The following KCNMB2 variants were observed in gnomAD, a reference collection of about 807,000 sequenced individuals.
The protein encoded by KCNMB2 is potassium calcium-activated channel subfamily M regulatory beta subunit 2.
In KCNMB2, 9 loss-of-function variants were observed where a neutral mutation model predicts 24.5. That is an observed-to-expected ratio of 0.37 (90% confidence interval 0.22 to 0.64). KCNMB2 has a LOEUF of 0.64. KCNMB2 is among the 30% of genes least tolerant of loss of function. The probability of loss-of-function intolerance (pLI) is 0.63; values close to 1 mark genes in which losing one functional copy is unlikely to be tolerated. For missense variants in KCNMB2, 226 were observed against 284.3 expected (o/e 0.79, Z 1.47); for synonymous variants, 109 against 104.4 (o/e 1.04, Z -0.27).
chr3:178,772,511 T>C (rs1021439684), intron 1 of KCNMB2, among the ~76,000 whole-genome samples: 1 of 152,204 alleles, frequency 6.6e-6, no homozygotes, highest in African/African-American at 2.4e-5. Flanking sequence ...TCTGCCACCA[T>C]GTGAGACGTG....
At chr3:178,566,995 T>C (rs1430385515) in intron 1 of KCNMB2, among the ~76,000 whole-genome samples, 4 of 152,228 alleles carry the variant, frequency 2.6e-5, no homozygotes, top group Non-Finnish European at 4.4e-5. Flanking sequence ...TGATGAATAA[T>C]TACACAGATT....
In KCNMB2 at chr3:178,747,315, G is replaced by C. The variant is rs114520074; in HGVS notation, c.-67-60028G>C. Among the ~76,000 whole-genome samples the C allele has an allele frequency of 6.8e-3, 1,031 of 152,202 alleles. 17 individuals are homozygous for C. The highest frequency in any genetic ancestry group is 0.023 in the African/African-American group (975 of 41,510). On this transcript the variant is annotated intron_variant, in intron 1 of 4. Transcript: ENST00000452583. ...GACTAACTGCCATGAGAACAGCATGGGAAAGACATGCACCCATGACTCAAT... is the reference window on the plus strand; with the variant it reads ...GACTAACTGCCATGAGAACAGCATGCGAAAGACATGCACCCATGACTCAAT...
chr3:178,757,840 G>GATATATATATATATCCAAGAGGATATAT (rs376531970), intron 1 of KCNMB2, among the ~76,000 whole-genome samples: 1 of 13,960 alleles, frequency 7.2e-5, no homozygotes, highest in African/African-American at 7.2e-4. Flanking sequence ...CATCCAAGAG[G>GATATATATATATATCCAAGAGGATATAT]ATATATATAT....
chr3:178,611,243 A>G (rs1430245094), intron 1 of KCNMB2, among the ~76,000 whole-genome samples: 1 of 152,130 alleles, frequency 6.6e-6, no homozygotes, highest in East Asian at 1.9e-4. Flanking sequence ...CAGATTTTTC[A>G]GTTTACGGGC....
intron 1 of KCNMB2, among the ~76,000 whole-genome samples, chr3:178,561,295 T>C (rs1043780891): frequency 6.6e-6 from 1 of 152,208 alleles, no homozygotes; most frequent in Non-Finnish European, 1.5e-5. Flanking sequence ...AGGATTATTA[T>C]AAAATTTTTA....
chr3:178,752,506 T>C (rs755713687), intron 1 of KCNMB2, among the ~76,000 whole-genome samples: 1 of 152,194 alleles, frequency 6.6e-6, no homozygotes, highest in Non-Finnish European at 1.5e-5. Flanking sequence ...AGTGAGTTTA[T>C]GGTCTATCTT....
intron 1 of KCNMB2, among the ~76,000 whole-genome samples, chr3:178,624,594 C>CTTTTT (rs770228080): frequency 0.024 from 1,054 of 43,876 alleles, 13 homozygotes; most frequent in African/African-American, 0.15. Context: ...TTCTTTTTTT[C>CTTTTT]TTTCTTTTTT....
intron 1 of KCNMB2, among the ~76,000 whole-genome samples, chr3:178,555,121 T>TA (rs1452876165): frequency 1.3e-5 from 2 of 152,120 alleles, no homozygotes; most frequent in African/African-American, 4.8e-5. Flanking sequence ...TCACACATGG[T>TA]AAGCCCCCAT....
rs537678000 is a variant in KCNMB2, at chr3:178,640,773, C to G, written c.-68+104062C>G. 2.6e-5 allele frequency among the ~76,000 whole-genome samples: 4 copies of G among 152,182 alleles called. No homozygotes were observed. The East Asian group carries it at 7.7e-4, about 29-fold the overall frequency. On this transcript the variant is annotated intron_variant, in intron 1 of 4. Transcript: ENST00000452583. Reference sequence around the variant, plus strand: ...TTGTACTAAAAACTGAGAACCAAATCCAAGGTCACCTGGATTGCCTCCTAT... The same window carrying G: ...TTGTACTAAAAACTGAGAACCAAATGCAAGGTCACCTGGATTGCCTCCTAT...
At chr3:178,685,073 C>T (rs1721416678) in intron 1 of KCNMB2, among the ~76,000 whole-genome samples, 3 of 151,014 alleles carry the variant, frequency 2.0e-5, no homozygotes, top group African/African-American at 7.3e-5. Flanking sequence ...TGTTGGACAG[C>T]TCCTCTGGGG....
At chr3:178,730,338 T>A (rs144994799) in intron 1 of KCNMB2, among the ~76,000 whole-genome samples, 2 of 152,068 alleles carry the variant, frequency 1.3e-5, no homozygotes, top group Non-Finnish European at 2.9e-5. Context: ...TCAGAAGGTA[T>A]CTGCATGTTT....
intron 1 of KCNMB2, among the ~76,000 whole-genome samples, chr3:178,784,301 T>C (rs1441252464): frequency 6.6e-6 from 1 of 152,150 alleles, no homozygotes; most frequent in Admixed American, 6.6e-5. Flanking sequence ...GACATTGAGA[T>C]TCAGAGGTTA....
rs187356584 is a variant in KCNMB2, at chr3:178,591,336, A to C, written c.-68+54625A>C. ...TTCCTTGTCTTTCTTTGCACAGATC[A>C]CTAGGTTTTCATCGCTTTTCCCTTC... is the stretch of plus-strand genomic sequence containing the variant. On this transcript the variant is annotated intron_variant, in intron 1 of 4. Transcript: ENST00000452583. 1.8e-3 allele frequency among the ~76,000 whole-genome samples: 280 copies of C among 152,304 alleles called. 1 individual carries two copies. Among genetic ancestry groups the C allele is most frequent in the Middle Eastern group, 6.8e-3 (2 of 294 alleles).
Position 178,844,014 on chromosome 3 carries a change from A to G in KCNMB2, c.*1077A>G, listed in dbSNP as rs1350253307. 6.6e-6 allele frequency: 1 copy of G among 152,442 alleles called. No homozygotes were observed. The highest frequency in any genetic ancestry group is 2.1e-4 in the South Asian group (1 of 4,832). The allele number at this position is 152,442 out of a possible 1,614,324, so 9.4% of individuals were successfully genotyped here. ...ATTTATAATTCCCTTTTTTGTTGTT[A>G]TATTTTATACACAGAATAGATCTTT... On this transcript the variant is annotated 3_prime_UTR_variant, in exon 5 of 5. Coordinates refer to ENST00000452583, the MANE Select transcript of KCNMB2 (RefSeq NM_181361.3).
chr3:178,811,447 ACTT>A (rs1475817849), intron 2 of KCNMB2, among the ~76,000 whole-genome samples: 51 of 152,122 alleles, frequency 3.4e-4, no homozygotes, highest in African/African-American at 1.1e-3. Flanking sequence ...ATGTTTGGAG[ACTT>A]CATGTAAATG....
At chr3:178,725,706 T>C (rs1559990919) in intron 1 of KCNMB2, among the ~76,000 whole-genome samples, 1 of 152,054 alleles carries the variant, frequency 6.6e-6, no homozygotes, top group Non-Finnish European at 1.5e-5. Flanking sequence ...AAAAGGAATA[T>C]TTCATGTGCT....
At chr3:178,663,711 A>C (rs1182197965) in intron 1 of KCNMB2, among the ~76,000 whole-genome samples, 1 of 152,200 alleles carries the variant, frequency 6.6e-6, no homozygotes, top group Non-Finnish European at 1.5e-5. Flanking sequence ...AAAAGACAAC[A>C]GTATTACCTC....
chr3:178,731,746 A>G (rs1723157349), intron 1 of KCNMB2, among the ~76,000 whole-genome samples: 1 of 152,190 alleles, frequency 6.6e-6, no homozygotes, highest in African/African-American at 2.4e-5. Flanking sequence ...TCTAATAAAA[A>G]TACAAAATGA....
chr3:178,582,369 G>C (rs906268412), intron 1 of KCNMB2, among the ~76,000 whole-genome samples: 3 of 152,154 alleles, frequency 2.0e-5, no homozygotes, highest in African/African-American at 7.2e-5. Flanking sequence ...GGCGGGGTGG[G>C]AGTTAGGGGA....
Sources: gnomAD v4.1 joint callset for allele counts (sites outside exome capture counted in the v4.1 genomes callset) on GRCh38, gnomAD v4.1.1 for gene constraint, MANE v1.5 for transcripts, NCBI Gene and HGNC (gene_info 2026-07-23, HGNC 2026-07-21) for gene names.